Variants in LCLAT1 observed in about 807,000 individuals in gnomAD.
The protein encoded by LCLAT1 is lysocardiolipin acyltransferase 1.
A neutral mutation model predicts 30.7 loss-of-function variants in LCLAT1; 11 were observed. The ratio of observed to expected loss-of-function variants is 0.36; its 90% CI spans 0.23 to 0.59. The LOEUF (loss-of-function observed/expected upper bound fraction) is 0.59. Ranked by LOEUF, LCLAT1 falls within the 20% of genes least tolerant of loss-of-function variation. LCLAT1 has a pLI of 0.77. For synonymous variants in LCLAT1, 155 were observed against 151.3 expected, an observed-to-expected ratio of 1.02 and a Z score of -0.18; for missense variants, 402 against 458.6, an observed-to-expected ratio of 0.88 and a Z score of 1.13.
At chr2:30,566,182 T>G (rs894713534) in intron 4 of LCLAT1, among the ~76,000 whole-genome samples, 1 of 152,234 alleles carries the variant, frequency 6.6e-6, no homozygotes, top group African/African-American at 2.4e-5. Flanking sequence ...TGATCATTTT[T>G]ACCGTCCCAC....
chr2:30,618,029 T>A (rs953214565), intron 5 of LCLAT1, among the ~76,000 whole-genome samples: 3 of 152,178 alleles, frequency 2.0e-5, no homozygotes, highest in African/African-American at 7.2e-5. Context: ...ATTTGTGCTC[T>A]TCAATGTCCT....
chr2:30,618,554 C>A (rs575519655), intron 5 of LCLAT1, among the ~76,000 whole-genome samples: 2 of 152,148 alleles, frequency 1.3e-5, no homozygotes, highest in East Asian at 3.9e-4. Context: ...GCAGACACTG[C>A]GGTCTACTTG....
intron 1 of LCLAT1, among the ~76,000 whole-genome samples, chr2:30,498,471 C>T (rs923866474): frequency 2.0e-5 from 3 of 152,116 alleles, no homozygotes; most frequent in Admixed American, 6.5e-5. Flanking sequence ...GAAATGTATC[C>T]AAAGGGTTTT....
intron 1 of LCLAT1, among the ~76,000 whole-genome samples, chr2:30,477,755 C>T (rs542239532): frequency 3.9e-4 from 59 of 152,164 alleles, no homozygotes; most frequent in African/African-American, 1.4e-3. Context: ...CAGAGGTGGC[C>T]AGCCTAGGAT....
intron 4 of LCLAT1, among the ~76,000 whole-genome samples, chr2:30,562,507 A>AAAAAC (rs148957012): frequency 0.086 from 13,032 of 151,898 alleles, 1,032 homozygotes; most frequent in African/African-American, 0.21. Flanking sequence ...TTCATCTCAA[A>AAAAAC]AAAACAAAAC....
intron 1 of LCLAT1, among the ~76,000 whole-genome samples, chr2:30,513,411 T>TA (rs1434413373): frequency 1.3e-5 from 2 of 152,098 alleles, no homozygotes; most frequent in South Asian, 2.1e-4. Flanking sequence ...GTTACTAGAG[T>TA]AAAAAATGCA....
intron 5 of LCLAT1, among the ~76,000 whole-genome samples, chr2:30,569,118 C>G (rs573854645): frequency 1.2e-4 from 19 of 152,246 alleles, no homozygotes; most frequent in Non-Finnish European, 2.6e-4. Context: ...AGTACATTTT[C>G]ACAGGTTACT....
At chr2:30,458,913 A>G (rs1217579859) in intron 1 of LCLAT1, among the ~76,000 whole-genome samples, 2 of 152,228 alleles carry the variant, frequency 1.3e-5, no homozygotes, top group Admixed American at 6.5e-5. Flanking sequence ...AAATGTAGGT[A>G]TGTATATACT....
At chr2:30,639,270 A>G (rs574547611) in intron 5 of LCLAT1, among the ~76,000 whole-genome samples, 80 of 152,280 alleles carry the variant, frequency 5.3e-4, no homozygotes, top group South Asian at 1.0e-3. Flanking sequence ...CATAAGGTCT[A>G]TTTAGGCCTT....
chr2:30,581,292 C>T (rs1666203744), intron 5 of LCLAT1, among the ~76,000 whole-genome samples: 1 of 152,092 alleles, frequency 6.6e-6, no homozygotes, highest in African/African-American at 2.4e-5. Flanking sequence ...GATTAGATAC[C>T]CCTGTTCCTT....
chr2:30,614,377 C>T (rs561610103), intron 5 of LCLAT1, among the ~76,000 whole-genome samples: 124 of 151,410 alleles, frequency 8.2e-4, no homozygotes, highest in South Asian at 7.3e-3. Flanking sequence ...AATGGAGTCT[C>T]CTATGTCTAC....
intron 1 of LCLAT1, among the ~76,000 whole-genome samples, chr2:30,469,004 A>G (rs1041633496): frequency 2.6e-5 from 4 of 152,232 alleles, no homozygotes; most frequent in Non-Finnish European, 5.9e-5. Flanking sequence ...CCAATGATGT[A>G]TGATGTTGAG....
intron 5 of LCLAT1, among the ~76,000 whole-genome samples, chr2:30,600,888 G>T (rs1018731245): frequency 6.6e-6 from 1 of 152,092 alleles, no homozygotes; most frequent in Non-Finnish European, 1.5e-5. Flanking sequence ...TTTCCAACTT[G>T]GTTCCATTCT....
intron 1 of LCLAT1, 156 bp downstream of exon 1, chr2:30,447,539 C>T (rs943358132): frequency 6.6e-6 from 1 of 152,338 alleles, no homozygotes; most frequent in African/African-American, 2.4e-5. Context: ...GGCCACTGGC[C>T]TGGCATTTGG....
intron 5 of LCLAT1, among the ~76,000 whole-genome samples, chr2:30,628,583 G>C (rs1668621202): frequency 6.6e-6 from 1 of 152,086 alleles, no homozygotes; most frequent in Non-Finnish European, 1.5e-5. Flanking sequence ...CAGATCAGTG[G>C]AGCAGAAGAG....
chr2:30,614,969 C>G (rs543793643), intron 5 of LCLAT1, among the ~76,000 whole-genome samples: 2 of 151,928 alleles, frequency 1.3e-5, no homozygotes, highest in Non-Finnish European at 2.9e-5. Context: ...TAAAGGTCAC[C>G]GAGGACAGTT....
intron 1 of LCLAT1, among the ~76,000 whole-genome samples, chr2:30,468,614 T>TGCC (rs1436291854): frequency 6.6e-6 from 1 of 152,206 alleles, no homozygotes; most frequent in East Asian, 1.9e-4. Flanking sequence ...TCATGTGTTG[T>TGCC]GCCACCACCA....
intron 1 of LCLAT1, among the ~76,000 whole-genome samples, chr2:30,496,494 T>C (rs1411760142): frequency 1.3e-5 from 2 of 152,196 alleles, no homozygotes; most frequent in Non-Finnish European, 2.9e-5. Context: ...TTCAGTAGGC[T>C]CAGAGATATC....
intron 3 of LCLAT1, among the ~76,000 whole-genome samples, chr2:30,542,417 A>G (rs1045384406): frequency 2.6e-5 from 4 of 152,062 alleles, no homozygotes; most frequent in Admixed American, 6.6e-5. Context: ...ATCAGCTTTT[A>G]TTAAAAAGTC....
Sources: gnomAD v4.1 joint callset for allele counts (sites outside exome capture counted in the v4.1 genomes callset) on GRCh38, gnomAD v4.1.1 for gene constraint, MANE v1.5 for transcripts, NCBI Gene and HGNC (gene_info 2026-07-23, HGNC 2026-07-21) for gene names.